The following CDH9 variants were observed in gnomAD, a reference collection of about 807,000 sequenced individuals.
CDH9 encodes the protein cadherin 9.
In CDH9, 28 loss-of-function variants were observed where a neutral mutation model predicts 70.9. The observed-to-expected ratio is 0.40, with a 90% confidence interval of 0.29 to 0.54. The LOEUF (loss-of-function observed/expected upper bound fraction) is 0.54. CDH9 is among the 20% of genes least tolerant of loss of function. CDH9 has a pLI of 0.59. For missense variants in CDH9, 874 were observed against 984.4 expected, an observed-to-expected ratio of 0.89 and a Z score of 1.50; for synonymous variants, 409 against 343.1, an observed-to-expected ratio of 1.19 and a Z score of -2.12.
At position 26,988,527 on chromosome 5, in the gene CDH9, A is replaced by C. The variant is rs1742527460; in HGVS notation, c.-49-145T>G. The C allele has an allele frequency of 6.7e-6, 4 of 595,246 alleles. No homozygotes were observed. In the South Asian group the frequency reaches 1.4e-4, roughly 21 times the overall value. The allele number at this position is 595,246 out of a possible 1,614,324, so 36.9% of individuals were successfully genotyped here. On this transcript the variant is annotated intron_variant, in intron 1 of 11. Transcript: ENST00000231021. ...TATATTTCTATATCAGTGAACGGTC[A>C]TGAAAAACTCATTTATCACATAGAT...
chr5:26,994,417 G>A, intron 1 of CDH9, among the ~76,000 whole-genome samples: 1 of 152,076 alleles, frequency 6.6e-6, no homozygotes, highest in East Asian at 1.9e-4. Flanking sequence ...GGGCCTTTAG[G>A]AGATACCAAG....
chr5:27,035,675 CGTGTGTGTGTGTGTGTGT>C (rs56317555), intron 1 of CDH9, among the ~76,000 whole-genome samples: 3 of 142,880 alleles, frequency 2.1e-5, no homozygotes, highest in Admixed American at 1.4e-4. Flanking sequence ...TTGCTATTGA[CGTGTGTGTGTGTGTGTGT>C]GTGTGTGTGT....
At chr5:26,945,297 T>G (rs1741733418) in intron 2 of CDH9, among the ~76,000 whole-genome samples, 2 of 152,076 alleles carry the variant, frequency 1.3e-5, no homozygotes, top group Non-Finnish European at 2.9e-5. Flanking sequence ...CAATATGTTC[T>G]TACAAGCTTT....
At chr5:27,002,401 C>T (rs1742786479) in intron 1 of CDH9, among the ~76,000 whole-genome samples, 1 of 150,638 alleles carries the variant, frequency 6.6e-6, no homozygotes, top group South Asian at 2.1e-4. Flanking sequence ...ACTATTTGAC[C>T]CAGCCATCCC....
At chr5:27,031,887 C>A (rs1203517493) in intron 1 of CDH9, among the ~76,000 whole-genome samples, 1 of 151,872 alleles carries the variant, frequency 6.6e-6, no homozygotes, top group Non-Finnish European at 1.5e-5. Context: ...GCTAGTGACA[C>A]ATACTTATTT....
intron 1 of CDH9, among the ~76,000 whole-genome samples, chr5:27,012,367 A>G (rs1413298307): frequency 6.6e-6 from 1 of 151,960 alleles, no homozygotes; most frequent in Admixed American, 6.6e-5. Context: ...TTTTATCTAA[A>G]TAATCTATTA....
chr5:26,908,097 T>A (rs1001673139), intron 3 of CDH9, among the ~76,000 whole-genome samples: 10 of 152,164 alleles, frequency 6.6e-5, no homozygotes, highest in Non-Finnish European at 1.3e-4. Context: ...TCAAAATTAA[T>A]TAGCATAACA....
At position 26,938,194 on chromosome 5, in the gene CDH9, C is replaced by CA. The variant is rs372446387; in HGVS notation, c.229-22271dup. Among the ~76,000 whole-genome samples the CA allele has an allele frequency of 3.5e-3, 471 of 134,022 alleles. 2 individuals are homozygous for CA. The highest frequency in any genetic ancestry group is 0.011 in the South Asian group (48 of 4,366). The allele number at this position is 134,022 out of a possible 152,430, so 87.9% of individuals were successfully genotyped here. On this transcript the variant is annotated intron_variant, in intron 2 of 11. Transcript: ENST00000231021. Reference sequence around the variant, plus strand: ...CAAAACAAACAAAAATGCATAGTTACAAAAAAAAAATCAATGTAAAAAAGT... The same window carrying CA: ...CAAAACAAACAAAAATGCATAGTTACAAAAAAAAAAATCAATGTAAAAAAGT...
At chr5:26,910,274 T>G (rs1741028905) in intron 3 of CDH9, among the ~76,000 whole-genome samples, 1 of 141,258 alleles carries the variant, frequency 7.1e-6, no homozygotes, top group Non-Finnish European at 1.6e-5. Flanking sequence ...TGGCATTAAT[T>G]ATCTCTCTAT....
chr5:26,920,589 C>T (rs749884502), intron 2 of CDH9, among the ~76,000 whole-genome samples: 30 of 152,050 alleles, frequency 2.0e-4, no homozygotes, highest in Middle Eastern at 3.4e-3. Context: ...GTGGCGGGGG[C>T]CACAGGGGTG....
intron 2 of CDH9, among the ~76,000 whole-genome samples, chr5:26,967,877 C>A (rs1162622812): frequency 6.6e-6 from 1 of 151,734 alleles, no homozygotes; most frequent in Non-Finnish European, 1.5e-5. Context: ...CTAACTTTTT[C>A]TTTTTTAAAA....
rs184354570 is a variant in CDH9 at position 26,928,236 on chromosome 5, T to G, written c.229-12312A>C. On this transcript the variant is annotated intron_variant, in intron 2 of 11. Coordinates refer to ENST00000231021, the MANE Select transcript of CDH9 (RefSeq NM_016279.4). Reference sequence around the variant, plus strand: ...TCTGAAAAAGAAATGAAGAAACTTATCCCATTTACAATAGCTACAAGTACT... The same window carrying G: ...TCTGAAAAAGAAATGAAGAAACTTAGCCCATTTACAATAGCTACAAGTACT... 1.6e-3 allele frequency among the ~76,000 whole-genome samples: 243 copies of G among 152,086 alleles called. 1 individual carries two copies. Among genetic ancestry groups the G allele is most frequent in the African/African-American group, 5.6e-3 (233 of 41,548 alleles).
intron 11 of CDH9, among the ~76,000 whole-genome samples, chr5:26,883,167 T>G (rs1014444942): frequency 4.8e-5 from 7 of 145,332 alleles, no homozygotes; most frequent in Non-Finnish European, 9.0e-5. Flanking sequence ...AAGTCCAACA[T>G]AGATCTGACA....
At chr5:26,936,849 T>TCA (rs1425871368) in intron 2 of CDH9, among the ~76,000 whole-genome samples, 5 of 149,756 alleles carry the variant, frequency 3.3e-5, no homozygotes, top group Non-Finnish European at 7.4e-5. Flanking sequence ...CTTATAGCCT[T>TCA]CACACACACA....
intron 11 of CDH9, among the ~76,000 whole-genome samples, chr5:26,884,859 C>G (rs533820847): frequency 6.6e-6 from 1 of 152,092 alleles, no homozygotes; most frequent in African/African-American, 2.4e-5. Flanking sequence ...TGAATTAAAT[C>G]GTTGTCCTGT....
intron 1 of CDH9, among the ~76,000 whole-genome samples, chr5:27,014,416 C>T (rs142985718): frequency 3.4e-4 from 51 of 152,018 alleles, no homozygotes; most frequent in African/African-American, 1.2e-3. Context: ...CCTAGGGATC[C>T]TGTGAAAGCT....
intron 1 of CDH9, among the ~76,000 whole-genome samples, chr5:27,008,910 A>G (rs1268468613): frequency 6.6e-6 from 1 of 152,164 alleles, no homozygotes; most frequent in African/African-American, 2.4e-5. Context: ...CAATCTTATA[A>G]CATCTCCACC....
chr5:27,001,415 A>C (rs1742765857), intron 1 of CDH9, among the ~76,000 whole-genome samples: 1 of 152,134 alleles, frequency 6.6e-6, no homozygotes, highest in Admixed American at 6.6e-5. Flanking sequence ...CAATTAAGTA[A>C]GTAGTTGGCA....
chr5:26,914,488 G>A lies in CDH9; in HGVS notation c.523+1142C>T, dbSNP rs144628981. On this transcript the variant is annotated intron_variant, in intron 3 of 11. Transcript: ENST00000231021. ...GTATTAGAGCTTTATGATTTCACAG[G>A]ACTCCTGTCTAATTTGATAAATTCC... Among the ~76,000 whole-genome samples the A allele has an allele frequency of 2.9e-3, 435 of 152,058 alleles. 2 individuals carry two copies. Among genetic ancestry groups the A allele is most frequent in the African/African-American group, 9.7e-3 (403 of 41,532 alleles).
Sources: allele counts gnomAD v4.1 joint callset (sites outside exome capture counted in the v4.1 genomes callset), GRCh38; gene constraint gnomAD v4.1.1; transcripts MANE v1.5; gene names NCBI Gene and HGNC (gene_info 2026-07-23, HGNC 2026-07-21).